PHLDB2: variants seen among roughly 807,000 people sequenced by gnomAD.
The protein encoded by PHLDB2 is pleckstrin homology-like domain family B member 2.
A neutral mutation model predicts 123.6 loss-of-function variants in PHLDB2; 71 were observed. The observed-to-expected ratio is 0.57, with a 90% CI of 0.47 to 0.70. The LOEUF is 0.70. PHLDB2 is among the 30% of genes least tolerant of loss of function. The probability of loss-of-function intolerance (pLI) is 0.00; values close to 1 mark genes in which losing one functional copy is unlikely to be tolerated. For synonymous variants in PHLDB2, 547 were observed against 541.6 expected, an observed-to-expected ratio of 1.01 and a Z score of -0.14; for missense variants, 1,446 against 1,519.5, an observed-to-expected ratio of 0.95 and a Z score of 0.80.
chr3:111,907,729 T>C (rs1185785422), intron 2 of PHLDB2, among the ~76,000 whole-genome samples: 2 of 151,976 alleles, frequency 1.3e-5, no homozygotes, highest in Non-Finnish European at 2.9e-5. Context: ...TGACCTCTGG[T>C]GATCCACACG....
At chr3:111,742,600 G>A (rs2059622312) in intron 1 of PHLDB2, among the ~76,000 whole-genome samples, 1 of 152,096 alleles carries the variant, frequency 6.6e-6, no homozygotes, top group Non-Finnish European at 1.5e-5. Context: ...TGAGAATGAT[G>A]GTTTCCAGCT....
At chr3:111,895,148 C>T (rs2066754506) in intron 2 of PHLDB2, among the ~76,000 whole-genome samples, 1 of 151,910 alleles carries the variant, frequency 6.6e-6, no homozygotes, top group South Asian at 2.1e-4. Context: ...TAGCATTTGG[C>T]AATAATCTAA....
intron 11 of PHLDB2, 130 bp downstream of exon 11, chr3:111,952,842 T>C (rs1351707962): frequency 1.8e-6 from 2 of 1,120,288 alleles, no homozygotes; most frequent in African/African-American, 1.6e-5. Context: ...TAGGCAGACA[T>C]CAGGACTAAA....
intron 5 of PHLDB2, among the ~76,000 whole-genome samples, chr3:111,921,931 G>A (rs1183908479): frequency 2.0e-5 from 3 of 152,164 alleles, no homozygotes; most frequent in African/African-American, 7.2e-5. Context: ...TGGGTAGTGG[G>A]TGTATTTTTC....
intron 1 of PHLDB2, among the ~76,000 whole-genome samples, chr3:111,879,687 TG>T (rs142138870): frequency 0.015 from 2,319 of 152,308 alleles, 48 homozygotes; most frequent in African/African-American, 0.053. Context: ...TCTCTAAAAA[TG>T]TTTTTTTATG....
At position 111,884,781 on chromosome 3, in the gene PHLDB2, A is replaced by G. The variant is rs769235247; in HGVS notation, c.704A>G (p.Asn235Ser). The G allele has an allele frequency of 1.9e-6, 3 of 1,614,062 alleles. No individual in the cohort carries two copies. The highest frequency in any genetic ancestry group is 1.1e-5 in the South Asian group (1 of 91,074). The change falls in exon 2 of 18, where the codon AAT becomes AGT. Residue 235 changes from asparagine (N) to serine (S), a missense_variant. Transcript: ENST00000431670. ...RHKELASENI[N>S]LRTRKYSSSS... ...AAGGAGCTTGCATCTGAAAACATCA[A>G]TTTGAGAACTAGGAAGTACTCCAGC...
At chr3:111,956,683 C>T (rs1216293293) in intron 12 of PHLDB2, among the ~76,000 whole-genome samples, 1 of 152,110 alleles carries the variant, frequency 6.6e-6, no homozygotes, top group Non-Finnish European at 1.5e-5. Context: ...CAGCCTGCTG[C>T]CTTTGGCTCC....
chr3:111,795,702 T>A (rs2108228851), intron 1 of PHLDB2, among the ~76,000 whole-genome samples: 1 of 152,296 alleles, frequency 6.6e-6, no homozygotes, highest in African/African-American at 2.4e-5. Context: ...CTAGTTTTCA[T>A]AAGTAAAGAC....
intron 1 of PHLDB2, among the ~76,000 whole-genome samples, chr3:111,734,503 G>C (rs1214043327): frequency 6.6e-6 from 1 of 152,174 alleles, no homozygotes; most frequent in African/African-American, 2.4e-5. Context: ...GGTCTGACCT[G>C]TCCTTTTTTT....
At chr3:111,752,236 G>GTC (rs1553723003) in intron 1 of PHLDB2, among the ~76,000 whole-genome samples, 1 of 143,490 alleles carries the variant, frequency 7.0e-6, no homozygotes, top group African/African-American at 2.8e-5. Flanking sequence ...GTGTGTGTGT[G>GTC]TGTGTCTGTG....
upstream of PHLDB2, among the ~76,000 whole-genome samples, chr3:111,857,403 A>G (rs1316723983): frequency 6.7e-6 from 1 of 149,938 alleles, no homozygotes; most frequent in Non-Finnish European, 1.5e-5. Flanking sequence ...GTGAGCTATG[A>G]CTGTGCCATT....
intron 1 of PHLDB2, among the ~76,000 whole-genome samples, chr3:111,810,326 T>G (rs931147248): frequency 1.7e-4 from 26 of 152,174 alleles, no homozygotes; most frequent in African/African-American, 5.8e-4. Flanking sequence ...CTTAATCTCC[T>G]CAGGCTGCCA....
chr3:111,803,439 C>G (rs1280566657), intron 1 of PHLDB2, among the ~76,000 whole-genome samples: 1 of 152,152 alleles, frequency 6.6e-6, no homozygotes, highest in Non-Finnish European at 1.5e-5. Context: ...CCCACCACCC[C>G]GTGCAGAACT....
chr3:111,930,143 AC>A (rs2069052878), intron 5 of PHLDB2, among the ~76,000 whole-genome samples: 1 of 150,932 alleles, frequency 6.6e-6, no homozygotes, highest in Non-Finnish European at 1.5e-5. Context: ...CGATCTTCTG[AC>A]CCGTGATCCG....
rs2072462131 is a variant in PHLDB2, at chr3:111,975,661, C to G, written c.*1098C>G. On this transcript the variant is annotated 3_prime_UTR_variant, in exon 18 of 18. Transcript: ENST00000431670. ...ATTTTATTTTATTTTTTACAATTAG[C>G]CTTTTTTTTAGTTAATTTTTGTCAA... The G allele has an allele frequency of 6.6e-6, 1 of 152,478 alleles. No homozygotes were observed. Among genetic ancestry groups the G allele is most frequent in the Non-Finnish European group, 1.5e-5 (1 of 68,006 alleles). 9.4% of individuals were successfully genotyped at this position (152,478 alleles called of 1,614,324 possible). A position where few individuals can be genotyped will look rare whatever the true frequency, so the allele number is the denominator to read the frequency against.
At chr3:111,759,981 A>G (rs80033972) in intron 1 of PHLDB2, among the ~76,000 whole-genome samples, 6,737 of 152,350 alleles carry the variant, frequency 0.044, 219 homozygotes, top group Non-Finnish European at 0.066. Flanking sequence ...AGAGAAAGCC[A>G]TGTGAAGTTT....
At chr3:111,798,693 A>AAAATAAAATAAAAT (rs2061262135) in intron 1 of PHLDB2, among the ~76,000 whole-genome samples, 1 of 151,548 alleles carries the variant, frequency 6.6e-6, no homozygotes, top group African/African-American at 2.4e-5. Flanking sequence ...AAAATAAAAT[A>AAAATAAAATAAAAT]AAATAAAATA....
intron 1 of PHLDB2, among the ~76,000 whole-genome samples, chr3:111,829,954 ACACACACACAC>A (rs2062861975): frequency 6.6e-6 from 1 of 151,446 alleles, no homozygotes; most frequent in South Asian, 2.1e-4. Flanking sequence ...ACACACACAC[ACACACACACAC>A]ACACACAGCA....
At chr3:111,919,359 G>T in intron 4 of PHLDB2, 144 bp downstream of exon 4, 1 of 770,526 alleles carries the variant, frequency 1.3e-6, no homozygotes, top group Non-Finnish European at 2.1e-6. Context: ...TGTATAGAGT[G>T]AAAATACCCT....
Sources: allele counts gnomAD v4.1 joint callset (sites outside exome capture counted in the v4.1 genomes callset), GRCh38; gene constraint gnomAD v4.1.1; transcripts MANE v1.5; gene names NCBI Gene and HGNC (gene_info 2026-07-23, HGNC 2026-07-21).